ELOA: variants seen among roughly 807,000 people sequenced by gnomAD.
The protein encoded by ELOA is elongin A, also known as elongin-A.
In ELOA, 15 loss-of-function variants were observed where a neutral mutation model predicts 85.2. That is an observed-to-expected ratio of 0.18 (90% CI 0.12 to 0.27). The LOEUF (loss-of-function observed/expected upper bound fraction) is 0.27. ELOA is among the 10% of genes least tolerant of loss of function. The pLI is 1.00. For missense variants in ELOA, 769 were observed against 952.7 expected, an observed-to-expected ratio of 0.81 and a Z score of 2.54; for synonymous variants, 348 against 357.2, an observed-to-expected ratio of 0.97 and a Z score of 0.29.
At chr1:23,750,756 T>C in intron 3 of ELOA, 89 bp from the exon 4 acceptor site, 1 of 1,269,090 alleles carries the variant, frequency 7.9e-7, no homozygotes, top group Non-Finnish European at 1.1e-6. Flanking sequence ...CTCTGCATCT[T>C]CACTTCTTTG....
At chr1:23,746,894 T>C (rs1333508136) in intron 1 of ELOA, among the ~76,000 whole-genome samples, 1 of 152,230 alleles carries the variant, frequency 6.6e-6, no homozygotes, top group African/African-American at 2.4e-5. Context: ...TGCCTTGTTA[T>C]TGCTTTGTTC....
intron 3 of ELOA, among the ~76,000 whole-genome samples, chr1:23,750,179 T>C (rs554908480): frequency 1.5e-5 from 2 of 129,244 alleles, no homozygotes; most frequent in South Asian, 2.6e-4. Context: ...TCTTTTTTTT[T>C]TTTTTTTTTT....
Position 23,754,116 on chromosome 1 carries a change from G to GGAA in ELOA, c.1565_1567dup (p.Glu522dup), listed in dbSNP as rs746688714. On this transcript the variant is annotated inframe_insertion, in exon 6 of 11. Coordinates refer to ENST00000613537, the MANE Select transcript of ELOA (RefSeq NM_003198.3). ...GCCCTATAGCGTTCTCTTCACCCCA[G>GGAA]GAAGAAGAAGAAGCTGGATTTACTG... 2 of 1,614,166 alleles carry GGAA rather than the reference G, an allele frequency of 1.2e-6. No individual in the cohort carries two copies. The highest frequency in any genetic ancestry group is 1.7e-5 in the Admixed American group (1 of 60,014).
At chr1:23,753,676 T>C (rs936458142) in intron 5 of ELOA, among the ~76,000 whole-genome samples, 7 of 152,156 alleles carry the variant, frequency 4.6e-5, no homozygotes, top group African/African-American at 1.7e-4. Flanking sequence ...GCAATGTATG[T>C]AGTGAGTATG....
At chr1:23,753,974 T>G (rs1644783774) in intron 5 of ELOA, 126 bp from the exon 6 acceptor site, 2 of 1,197,370 alleles carry the variant, frequency 1.7e-6, no homozygotes, top group Non-Finnish European at 2.3e-6. Context: ...TTAAATTCTC[T>G]GGAAGGATCT....
At chr1:23,753,677 A>G (rs1167487688) in intron 5 of ELOA, among the ~76,000 whole-genome samples, 1 of 152,196 alleles carries the variant, frequency 6.6e-6, no homozygotes, top group Non-Finnish European at 1.5e-5. Context: ...CAATGTATGT[A>G]GTGAGTATGT....
At chr1:23,745,079 G>A (rs1644740568) in intron 1 of ELOA, among the ~76,000 whole-genome samples, 1 of 152,148 alleles carries the variant, frequency 6.6e-6, no homozygotes, top group Non-Finnish European at 1.5e-5. Context: ...TTCATACCTA[G>A]CTCGAAGATT....
intron 7 of ELOA, 77 bp downstream of exon 7, chr1:23,754,537 C>A: frequency 3.4e-6 from 4 of 1,171,564 alleles, no homozygotes; most frequent in Non-Finnish European, 3.8e-6. Flanking sequence ...CCTGTGACTC[C>A]GCTGTGGCTG....
Position 23,754,050 on chromosome 1 carries a change from G to A in ELOA, c.1538-50G>A, listed in dbSNP as rs1644784125. On this transcript the variant is annotated intron_variant, in intron 5 of 10. Transcript: ENST00000613537. ...TAGGAGGCTGAAGGGGGTAGAAGGAGAGTTTTCACTGGATCACTTAGGGCC... is the reference window on the plus strand; with the variant it reads ...TAGGAGGCTGAAGGGGGTAGAAGGAAAGTTTTCACTGGATCACTTAGGGCC... The A allele has an allele frequency of 2.5e-6, 4 of 1,597,648 alleles. No individual in the cohort carries two copies. The Admixed American group carries it at 7.0e-5, about 28-fold the overall frequency.
At chr1:23,744,943 T>C (rs1032782962) in intron 1 of ELOA, among the ~76,000 whole-genome samples, 3 of 152,148 alleles carry the variant, frequency 2.0e-5, no homozygotes, top group African/African-American at 4.8e-5. Flanking sequence ...CGTCATTCTT[T>C]GGGGTTTTTT....
chr1:23,758,071 A>G (rs1399980662), intron 10 of ELOA, among the ~76,000 whole-genome samples: 2 of 151,314 alleles, frequency 1.3e-5, no homozygotes, highest in African/African-American at 2.4e-5. Context: ...ATTGTGAATG[A>G]CCATTTTGGC....
At chr1:23,759,325 C>A (rs1638259675) in intron 10 of ELOA, among the ~76,000 whole-genome samples, 187 bp from the exon 11 acceptor site, 1 of 152,324 alleles carries the variant, frequency 6.6e-6, no homozygotes, top group Middle Eastern at 3.4e-3. Flanking sequence ...CCTGGCAGGT[C>A]CTCCGAAAGT....
At chr1:23,758,877 AAAGTT>A (rs926066913) in intron 10 of ELOA, among the ~76,000 whole-genome samples, 3 of 152,182 alleles carry the variant, frequency 2.0e-5, no homozygotes, top group Non-Finnish European at 2.9e-5. Flanking sequence ...TTTGTGAGGC[AAAGTT>A]AAGTTATGAC....
Position 23,743,486 on chromosome 1 carries a change from GC to G in ELOA, c.-16del. ...ACGCGAGCCCAGTTCCGGCGAGGAG[GC>G]CGCGCCAGTGACAGCGATGGCGGCG... On this transcript the variant is annotated 5_prime_UTR_variant, in exon 1 of 11. Transcript: ENST00000613537. The G allele has an allele frequency of 6.6e-7, 1 of 1,504,706 alleles. No individual in the cohort carries two copies. Among genetic ancestry groups the G allele is most frequent in the Non-Finnish European group, 8.8e-7 (1 of 1,132,532 alleles). 93.2% of individuals were successfully genotyped at this position (1,504,706 alleles called of 1,614,324 possible).
intron 4 of ELOA, among the ~76,000 whole-genome samples, 153 bp from the exon 5 acceptor site, chr1:23,752,254 C>A (rs1044295877): frequency 5.9e-5 from 9 of 152,104 alleles, no homozygotes; most frequent in African/African-American, 2.2e-4. Context: ...GTATTTATTT[C>A]CTGACTGAGG....
chr1:23,746,344 A>G lies in ELOA; in HGVS notation c.76-2677A>G, dbSNP rs143951041. On this transcript the variant is annotated intron_variant, in intron 1 of 10. Transcript: ENST00000613537. ...CACAGTTGGCCGGGCGCAGTGGCTC[A>G]CGCTTGTAATCACAGCACTTTGGGA... Among the ~76,000 whole-genome samples the G allele has an allele frequency of 2.0e-5, 3 of 150,338 alleles. No homozygotes were observed. In the East Asian group the frequency reaches 5.8e-4, roughly 29 times the overall value.
rs1034270702 is a variant in ELOA, at chr1:23,751,692, G to A, written c.1087G>A (p.Glu363Lys). 1 of 1,614,058 alleles carries A rather than the reference G, an allele frequency of 6.2e-7. No homozygotes were observed. The highest frequency in any genetic ancestry group is 8.5e-7 in the Non-Finnish European group (1 of 1,180,042). Residue 363 changes from glutamate (E) to lysine (K), a missense_variant, in exon 4 of 11, where the codon GAG (glutamate) becomes AAG (lysine). Transcript: ENST00000613537. ...GAGDLLPKVKEKGSNNLKTPE... is the reference protein window; with the variant it reads ...GAGDLLPKVKKKGSNNLKTPE... ...AGGAGACCTGTTGCCCAAGGTAAAA[G>A]AGAAGGGTTCTAACAACCTAAAGAC...
rs541394098 is a variant in ELOA at position 23,757,269 on chromosome 1, C to A, written c.2257+144C>A. Reference sequence around the variant, plus strand: ...ACATAGCTGGTCTGAATGTCAGTCCCTCCTTCCCCCTGCTTTGTCCATAGT... The same window carrying A: ...ACATAGCTGGTCTGAATGTCAGTCCATCCTTCCCCCTGCTTTGTCCATAGT... On this transcript the variant is annotated intron_variant, in intron 10 of 10. Transcript: ENST00000613537. 938 of 861,462 alleles carry A rather than the reference C, an allele frequency of 1.1e-3. 1 individual carries two copies. Among genetic ancestry groups the A allele is most frequent in the Non-Finnish European group, 1.5e-3 (888 of 590,222 alleles). 53.4% of individuals were successfully genotyped at this position (861,462 alleles called of 1,614,324 possible).
chr1:23,757,660 A>G (rs1458019783), intron 10 of ELOA, among the ~76,000 whole-genome samples: 2 of 151,978 alleles, frequency 1.3e-5, no homozygotes, highest in East Asian at 3.9e-4. Context: ...CACCATGCCC[A>G]CCTAATTTTT....
Sources: gnomAD v4.1 joint callset for allele counts (sites outside exome capture counted in the v4.1 genomes callset) on GRCh38, gnomAD v4.1.1 for gene constraint, MANE v1.5 for transcripts, NCBI Gene and HGNC (gene_info 2026-07-23, HGNC 2026-07-21) for gene names.